NCMAP: variants seen among roughly 807,000 people sequenced by gnomAD.
The protein encoded by NCMAP is noncompact myelin-associated protein.
NCMAP carries 8 observed loss-of-function variants against 7.8 expected under a neutral mutation model. The observed-to-expected ratio is 1.02, with a 90% CI of 0.60 to 1.84. NCMAP has a LOEUF of 1.84. Among genes scored for constraint, NCMAP ranks in the 40% most tolerant of loss-of-function variants. The probability of loss-of-function intolerance (pLI) is 0.00; values close to 1 mark genes in which losing one functional copy is unlikely to be tolerated. For missense variants in NCMAP, 112 were observed against 131.4 expected, an observed-to-expected ratio of 0.85 and a Z score of 0.72; for synonymous variants, 41 against 52.9, an observed-to-expected ratio of 0.78 and a Z score of 0.98.
At chr1:24,598,015 T>C (rs2148937138) in intron 2 of NCMAP, among the ~76,000 whole-genome samples, 1 of 152,126 alleles carries the variant, frequency 6.6e-6, no homozygotes, top group South Asian at 2.1e-4. Flanking sequence ...ATCTAGTAGA[T>C]AGAGGCAAGA....
At chr1:24,582,847 C>A (rs767336610) in intron 1 of NCMAP, among the ~76,000 whole-genome samples, 2 of 152,210 alleles carry the variant, frequency 1.3e-5, no homozygotes, top group African/African-American at 4.8e-5. Flanking sequence ...AGCACAGATG[C>A]CTCAGGCAAG....
chr1:24,580,434 C>T lies in NCMAP; in HGVS notation c.-7-14990C>T, dbSNP rs116873423. ...GGTGGAGGGGGGCAGAGTGGAGCTGCGCCTTAACTTTTGTCTTCCTCTTTC... is the reference window on the plus strand; with the variant it reads ...GGTGGAGGGGGGCAGAGTGGAGCTGTGCCTTAACTTTTGTCTTCCTCTTTC... On this transcript the variant is annotated intron_variant, in intron 1 of 3. Transcript: ENST00000374392. 4.7e-4 allele frequency among the ~76,000 whole-genome samples: 72 copies of T among 152,022 alleles called. No homozygotes were observed. The East Asian group carries it at 0.013, about 27-fold the overall frequency.
intron 1 of NCMAP, among the ~76,000 whole-genome samples, chr1:24,569,493 A>T (rs1018150103): frequency 6.7e-6 from 1 of 150,094 alleles, no homozygotes; most frequent in Non-Finnish European, 1.5e-5. Context: ...TTCCCACCTC[A>T]TAAAGTCCCA....
intron 1 of NCMAP, among the ~76,000 whole-genome samples, chr1:24,564,537 A>AC (rs1171784052): frequency 3.3e-5 from 5 of 149,556 alleles, no homozygotes; most frequent in African/African-American, 1.2e-4. Flanking sequence ...AAAAAACAAA[A>AC]AAAAACCTGA....
At chr1:24,577,401 G>GTTTTTTTT (rs71577720) in intron 1 of NCMAP, among the ~76,000 whole-genome samples, 26 of 39,942 alleles carry the variant, frequency 6.5e-4, no homozygotes, top group African/African-American at 1.8e-3. Context: ...CACTGGCCTT[G>GTTTTTTTT]TTTTTTTTTT....
intron 1 of NCMAP, among the ~76,000 whole-genome samples, chr1:24,583,713 C>T (rs897428253): frequency 1.8e-5 from 2 of 108,926 alleles, no homozygotes; most frequent in Admixed American, 1.8e-4. Flanking sequence ...AAGACTCCGT[C>T]TCAGAAAAAA....
intron 1 of NCMAP, among the ~76,000 whole-genome samples, chr1:24,562,043 C>T (rs1272867688): frequency 6.6e-6 from 1 of 152,030 alleles, no homozygotes; most frequent in Non-Finnish European, 1.5e-5. Context: ...TGTTTCTTTG[C>T]CTTGCTGCTT....
intron 3 of NCMAP, among the ~76,000 whole-genome samples, chr1:24,604,575 A>AG (rs1652620586): frequency 5.7e-5 from 1 of 17,612 alleles, no homozygotes; most frequent in Non-Finnish European, 9.3e-5. Context: ...AGACTGTCTA[A>AG]AAAAAAAAAA....
chr1:24,594,410 T>C (rs1257739547), intron 1 of NCMAP, among the ~76,000 whole-genome samples: 1 of 152,174 alleles, frequency 6.6e-6, no homozygotes, highest in Non-Finnish European at 1.5e-5. Flanking sequence ...CTCCTACTTG[T>C]ATGACCGGTT....
At chr1:24,597,636 A>G (rs1220846515) in intron 2 of NCMAP, among the ~76,000 whole-genome samples, 9 of 120,478 alleles carry the variant, frequency 7.5e-5, no homozygotes, top group South Asian at 2.8e-4. Context: ...AGAAAGAAAG[A>G]AAGAAAGAAA....
intron 3 of NCMAP, among the ~76,000 whole-genome samples, chr1:24,601,615 A>C (rs944266036): frequency 6.6e-6 from 1 of 152,234 alleles, no homozygotes; most frequent in Non-Finnish European, 1.5e-5. Flanking sequence ...TTCTTTAAAA[A>C]GGTATCGTGG....
rs145505322 is a variant in NCMAP, at chr1:24,569,953, A to C, written c.-8+13784A>C. On this transcript the variant is annotated intron_variant, in intron 1 of 3. Coordinates refer to ENST00000374392, the MANE Select transcript of NCMAP (RefSeq NM_001010980.5). ...TGGGCCTCAGTTTCCTCACTTAAAA[A>C]AAATTTTTTTTTGAGACAATTTTTC... Among the ~76,000 whole-genome samples the C allele has an allele frequency of 8.2e-4, 124 of 150,352 alleles. 11 individuals are homozygous for C. Among genetic ancestry groups the C allele is most frequent in the African/African-American group, 3.0e-3 (118 of 39,750 alleles).
chr1:24,579,842 T>C (rs774633434), intron 1 of NCMAP, among the ~76,000 whole-genome samples: 31 of 152,224 alleles, frequency 2.0e-4, no homozygotes, highest in Non-Finnish European at 3.7e-4. Flanking sequence ...GGCCATTGTA[T>C]TAGAAGATTC....
At chr1:24,601,107 C>A in intron 3 of NCMAP, 83 bp downstream of exon 3, 5 of 1,095,418 alleles carry the variant, frequency 4.6e-6, no homozygotes, top group Non-Finnish European at 1.4e-6. Context: ...TATGGGTGTC[C>A]GTCGTGTGCC....
At chr1:24,589,538 C>T (rs1651985290) in intron 1 of NCMAP, 2 of 152,398 alleles carry the variant, frequency 1.3e-5, no homozygotes, top group South Asian at 2.1e-4. Context: ...AGACAGTCTG[C>T]ACCTGGAACT....
At chr1:24,572,569 C>T (rs1432644886) in intron 1 of NCMAP, among the ~76,000 whole-genome samples, 2 of 150,622 alleles carry the variant, frequency 1.3e-5, no homozygotes, top group African/African-American at 5.0e-5. Context: ...GACACACCAG[C>T]CCACAGAGGC....
chr1:24,601,281 A>G (rs892398866), intron 3 of NCMAP, among the ~76,000 whole-genome samples: 6 of 152,166 alleles, frequency 3.9e-5, no homozygotes, highest in African/African-American at 7.2e-5. Context: ...GCACTGTGGT[A>G]AACATTTGTT....
chr1:24,599,294 A>C (rs1183412190), intron 2 of NCMAP, among the ~76,000 whole-genome samples: 2 of 151,706 alleles, frequency 1.3e-5, no homozygotes, highest in Non-Finnish European at 2.9e-5. Context: ...AAAAAAAAAA[A>C]AAAACAAGAA....
At position 24,556,128 on chromosome 1, in the gene NCMAP, C is replaced by T. The variant is rs549943107; in HGVS notation, c.-49C>T. 1.3e-5 allele frequency: 2 copies of T among 152,818 alleles called. No individual in the cohort carries two copies. Among genetic ancestry groups the T allele is most frequent in the Non-Finnish European group, 2.9e-5 (2 of 68,164 alleles). The allele number at this position is 152,818 out of a possible 1,614,324, so 9.5% of individuals were successfully genotyped here. ...GCGGCGGGGACCCTGGCTGGGAGCG[C>T]GGCGGTGCCGGCGGGAGGCCGAGCG... On this transcript the variant is annotated 5_prime_UTR_variant, in exon 1 of 4. Transcript: ENST00000374392.
Sources: allele counts gnomAD v4.1 joint callset (sites outside exome capture counted in the v4.1 genomes callset), GRCh38; gene constraint gnomAD v4.1.1; transcripts MANE v1.5; gene names NCBI Gene and HGNC (gene_info 2026-07-23, HGNC 2026-07-21).